The following CEP85L variants were observed in gnomAD, a reference collection of about 807,000 sequenced individuals.
CEP85L encodes the protein centrosomal protein of 85 kDa-like.
In CEP85L, 60 loss-of-function variants were observed where a neutral mutation model predicts 100.3. The observed-to-expected ratio is 0.60, with a 90% CI of 0.49 to 0.74. The LOEUF (loss-of-function observed/expected upper bound fraction) is 0.74. CEP85L is among the 30% of genes least tolerant of loss of function. CEP85L has a pLI of 0.00. For missense variants in CEP85L, 973 were observed against 936.2 expected (o/e 1.04, Z -0.51); for synonymous variants, 319 against 322.7 (o/e 0.99, Z 0.12).
At chr6:118,494,634 G>A (rs953325808) in intron 5 of CEP85L, among the ~76,000 whole-genome samples, 9 of 152,082 alleles carry the variant, frequency 5.9e-5, no homozygotes, top group Admixed American at 5.2e-4. Flanking sequence ...TCACAATCCA[G>A]AGGAACAAAT....
intron 3 of CEP85L, among the ~76,000 whole-genome samples, chr6:118,527,399 C>T (rs1481520380): frequency 6.6e-6 from 1 of 152,100 alleles, no homozygotes; most frequent in Non-Finnish European, 1.5e-5. Context: ...CCAGGCTGAA[C>T]CCTAGTTTTG....
At chr6:118,561,821 A>G (rs1272219164) in intron 3 of CEP85L, among the ~76,000 whole-genome samples, 1 of 152,162 alleles carries the variant, frequency 6.6e-6, no homozygotes, top group Non-Finnish European at 1.5e-5. Flanking sequence ...CCCAAATAAA[A>G]CAAAATCAAG....
At position 118,530,026 on chromosome 6, in the gene CEP85L, C is replaced by T. The variant is rs564327432; in HGVS notation, c.1021-6106G>A. Among the ~76,000 whole-genome samples, 7 of 149,390 alleles carry T rather than the reference C, an allele frequency of 4.7e-5. No individual in the cohort carries two copies. The South Asian group carries it at 1.5e-3, about 32-fold the overall frequency. On this transcript the variant is annotated intron_variant, in intron 3 of 12. Transcript: ENST00000368491. ...CTCTTGGATGTAATAAAATCCAGGC[C>T]AAAAAAAATCATTAAATAAAAATAA...
intron 1 of CEP85L, among the ~76,000 whole-genome samples, chr6:118,691,073 G>A (rs1410866070): frequency 6.6e-6 from 1 of 152,194 alleles, no homozygotes; most frequent in African/African-American, 2.4e-5. Flanking sequence ...TTAAAAAAAA[G>A]AGACTGAAAA....
intron 2 of CEP85L, among the ~76,000 whole-genome samples, chr6:118,585,932 G>A (rs1780833732): frequency 6.6e-6 from 1 of 152,146 alleles, no homozygotes; most frequent in African/African-American, 2.4e-5. Flanking sequence ...CACTAACTGG[G>A]TAGAAGCATT....
chr6:118,461,576 T>C lies in CEP85L; in HGVS notation c.*3829A>G, dbSNP rs1201679446. 6.6e-6 allele frequency: 1 copy of C among 152,064 alleles called. No homozygotes were observed. The highest frequency in any genetic ancestry group is 1.5e-5 in the Non-Finnish European group (1 of 67,950). The allele number at this position is 152,064 out of a possible 1,614,324, so 9.4% of individuals were successfully genotyped here. A position where few individuals can be genotyped will look rare whatever the true frequency, so the allele number is the denominator to read the frequency against. Reference sequence around the variant, plus strand: ...CAATAGTGTTATTAGACTTGCTGATTTAAAACTATATTCTTATATTTAGCA... The same window carrying C: ...CAATAGTGTTATTAGACTTGCTGATCTAAAACTATATTCTTATATTTAGCA... On this transcript the variant is annotated 3_prime_UTR_variant, in exon 13 of 13. Transcript: ENST00000368491.
intron 2 of CEP85L, among the ~76,000 whole-genome samples, chr6:118,621,231 G>C (rs1434757945): frequency 6.6e-6 from 1 of 152,188 alleles, no homozygotes; most frequent in African/African-American, 2.4e-5. Flanking sequence ...CAAATGGTCA[G>C]TGGAGACCAG....
intron 1 of CEP85L, among the ~76,000 whole-genome samples, chr6:118,677,764 C>T (rs140130018): frequency 3.5e-4 from 54 of 152,300 alleles, no homozygotes; most frequent in Middle Eastern, 3.4e-3. Context: ...AACTAGGAGA[C>T]TTCCATGATT....
At chr6:118,502,332 C>T (rs1775358456) in intron 5 of CEP85L, 2 of 516,544 alleles carry the variant, frequency 3.9e-6, no homozygotes, top group Non-Finnish European at 7.2e-6. Context: ...TTTCAGCAAC[C>T]ATGAGTTTCT....
In CEP85L at chr6:118,502,585, T is replaced by C. The variant is rs190166247; in HGVS notation, c.1257+8713A>G. 260 of 476,158 alleles carry C rather than the reference T, an allele frequency of 5.5e-4. 1 individual carries two copies. Among genetic ancestry groups the C allele is most frequent in the African/African-American group, 4.3e-3 (217 of 50,776 alleles). The allele number at this position is 476,158 out of a possible 1,614,324, so 29.5% of individuals were successfully genotyped here. A position where few individuals can be genotyped will look rare whatever the true frequency, so the allele number is the denominator to read the frequency against. On this transcript the variant is annotated intron_variant, in intron 5 of 12. Coordinates refer to ENST00000368491, the MANE Select transcript of CEP85L (RefSeq NM_001042475.3). ...GCAGTAACAAACTTTGGCGCTCCGG[T>C]TGAAGTTTTTGACTCTTGAAGAAGC... is the stretch of plus-strand genomic sequence containing the variant.
intron 1 of CEP85L, among the ~76,000 whole-genome samples, chr6:118,681,748 CTTTT>C (rs199966143): frequency 0.43 from 52,903 of 124,464 alleles, 9,705 homozygotes; most frequent in African/African-American, 0.5. Flanking sequence ...ATAATTATTT[CTTTT>C]TTTTTTTTTT....
At chr6:118,628,387 A>G (rs972926555) in intron 2 of CEP85L, among the ~76,000 whole-genome samples, 3 of 152,216 alleles carry the variant, frequency 2.0e-5, no homozygotes, top group Non-Finnish European at 4.4e-5. Flanking sequence ...CTACAGATCA[A>G]AAATACTCTA....
intron 3 of CEP85L, among the ~76,000 whole-genome samples, chr6:118,549,537 C>A (rs1778413336): frequency 6.6e-6 from 1 of 151,644 alleles, no homozygotes; most frequent in Non-Finnish European, 1.5e-5. Context: ...AATGTTAATT[C>A]TATTGCTCAC....
In CEP85L at chr6:118,622,868, C is replaced by G. The variant is rs534347264; in HGVS notation, c.232+9585G>C. ...TGCCGAGGAGATGCTGAGGCCAAAA[C>G]TGCTGCTAAGCAGGACTTCCCTTTA... On this transcript the variant is annotated intron_variant, in intron 2 of 12. Coordinates refer to ENST00000368491, the MANE Select transcript of CEP85L (RefSeq NM_001042475.3). Among the ~76,000 whole-genome samples, 5 of 152,346 alleles carry G rather than the reference C, an allele frequency of 3.3e-5. No homozygotes were observed. The East Asian group carries it at 9.7e-4, about 29-fold the overall frequency.
At chr6:118,537,582 C>T in intron 3 of CEP85L, 1 of 985,288 alleles carries the variant, frequency 1.0e-6, no homozygotes, top group Non-Finnish European at 1.2e-6. Context: ...CAGGCATCTA[C>T]AACAATCCCA....
Position 118,573,053 on chromosome 6 carries a change from A to C in CEP85L, c.233-6737T>G, listed in dbSNP as rs184907057. On this transcript the variant is annotated intron_variant, in intron 2 of 12. Coordinates refer to ENST00000368491, the MANE Select transcript of CEP85L (RefSeq NM_001042475.3). Reference sequence around the variant, plus strand: ...CTCCAGCTTGGGTAACAAGAGTGATACTCCGTCTCCAAAAAAAATAATAAT... The same window carrying C: ...CTCCAGCTTGGGTAACAAGAGTGATCCTCCGTCTCCAAAAAAAATAATAAT... Among the ~76,000 whole-genome samples the C allele has an allele frequency of 5.3e-5, 8 of 152,226 alleles. No individual in the cohort carries two copies. The East Asian group carries it at 1.3e-3, about 26-fold the overall frequency.
intron 2 of CEP85L, among the ~76,000 whole-genome samples, chr6:118,601,516 G>A (rs1243578062): frequency 6.6e-6 from 1 of 152,102 alleles, no homozygotes; most frequent in East Asian, 1.9e-4. Flanking sequence ...TGAAATATTT[G>A]AAATGATATA....
At chr6:118,476,696 G>C (rs1773407643) in intron 10 of CEP85L, among the ~76,000 whole-genome samples, 1 of 152,158 alleles carries the variant, frequency 6.6e-6, no homozygotes, top group African/African-American at 2.4e-5. Context: ...GTTATAAATA[G>C]AACAGACTGT....
chr6:118,552,885 C>T (rs190427313), intron 3 of CEP85L, among the ~76,000 whole-genome samples: 10 of 152,132 alleles, frequency 6.6e-5, no homozygotes, highest in African/African-American at 2.4e-4. Context: ...CACCCAAACT[C>T]CTAACAAGCA....
Sources: gnomAD v4.1 joint callset for allele counts (sites outside exome capture counted in the v4.1 genomes callset) on GRCh38, gnomAD v4.1.1 for gene constraint, MANE v1.5 for transcripts, NCBI Gene and HGNC (gene_info 2026-07-23, HGNC 2026-07-21) for gene names.